Variants in CHST11 observed in about 807,000 individuals in gnomAD.
CHST11 encodes C4S-1.
A neutral mutation model predicts 30.4 loss-of-function variants in CHST11; 9 were observed. The observed-to-expected ratio is 0.30, with a 90% confidence interval of 0.18 to 0.52. The LOEUF (loss-of-function observed/expected upper bound fraction) is 0.52, where lower values mean the gene tolerates loss of function less well. CHST11 is among the 20% of genes least tolerant of loss of function. CHST11 has a pLI of 0.97. For missense variants in CHST11, 348 were observed against 460.6 expected, an observed-to-expected ratio of 0.76 and a Z score of 2.24; for synonymous variants, 152 against 187.8, an observed-to-expected ratio of 0.81 and a Z score of 1.56.
chr12:104,674,992 A>G (rs952299079), intron 2 of CHST11, among the ~76,000 whole-genome samples: 3 of 152,200 alleles, frequency 2.0e-5, no homozygotes, highest in Admixed American at 6.5e-5. Context: ...TGAAAAATAA[A>G]ATACAAAATA....
At chr12:104,556,151 T>C (rs2038453134) in intron 1 of CHST11, among the ~76,000 whole-genome samples, 1 of 152,172 alleles carries the variant, frequency 6.6e-6, no homozygotes, top group South Asian at 2.1e-4. Context: ...TGCTTGTTTA[T>C]TTTTTTATTC....
chr12:104,618,211 CTTCTT>C (rs1186192829), intron 2 of CHST11, among the ~76,000 whole-genome samples: 208 of 143,868 alleles, frequency 1.4e-3, no homozygotes, highest in Middle Eastern at 3.7e-3. Context: ...CTGGCTTCTT[CTTCTT>C]TTCTTTTCTT....
chr12:104,527,346 C>A lies in CHST11; in HGVS notation c.118+69817C>A, dbSNP rs115886723. 6.9e-3 allele frequency among the ~76,000 whole-genome samples: 1,044 copies of A among 152,282 alleles called. 19 individuals are homozygous for A. The highest frequency in any genetic ancestry group is 0.024 in the African/African-American group (986 of 41,536). ...GGATTAATACACATGGCTACCTTGA[C>A]CGATGGGGTATATTTCCAACCTCAT... On this transcript the variant is annotated intron_variant, in intron 1 of 2. Coordinates refer to ENST00000303694, the MANE Select transcript of CHST11 (RefSeq NM_018413.6).
At chr12:104,473,330 A>T (rs1261848663) in intron 1 of CHST11, among the ~76,000 whole-genome samples, 3 of 152,134 alleles carry the variant, frequency 2.0e-5, no homozygotes, top group Admixed American at 6.5e-5. Flanking sequence ...TAGGCCATGG[A>T]GGTTAAATTT....
intron 2 of CHST11, among the ~76,000 whole-genome samples, chr12:104,702,863 C>G (rs1227164748): frequency 2.0e-5 from 3 of 152,198 alleles, no homozygotes; most frequent in Non-Finnish European, 2.9e-5. Context: ...GCAGATTGGA[C>G]GCCGTTCAGA....
chr12:104,464,413 G>A (rs1314329007), intron 1 of CHST11, among the ~76,000 whole-genome samples: 2 of 152,190 alleles, frequency 1.3e-5, no homozygotes, highest in East Asian at 3.9e-4. Flanking sequence ...GTGTACTTTG[G>A]TTAAGTGGTC....
At chr12:104,552,070 C>T (rs79174686) in intron 1 of CHST11, 1 of 152,204 alleles carries the variant, frequency 6.6e-6, no homozygotes, top group Non-Finnish European at 1.5e-5. Flanking sequence ...ACCAGGCTGT[C>T]TTGTTAACAT....
intron 1 of CHST11, among the ~76,000 whole-genome samples, chr12:104,586,010 A>G (rs2038801074): frequency 1.3e-5 from 2 of 149,504 alleles, no homozygotes; most frequent in Non-Finnish European, 3.0e-5. Flanking sequence ...ATCTGCAAAG[A>G]CTCTATTTCC....
At chr12:104,460,315 G>A (rs938030057) in intron 1 of CHST11, among the ~76,000 whole-genome samples, 56 of 152,262 alleles carry the variant, frequency 3.7e-4, no homozygotes, top group African/African-American at 1.3e-3. Flanking sequence ...TATTGCAAAA[G>A]CAATGGGTTC....
intron 1 of CHST11, among the ~76,000 whole-genome samples, chr12:104,505,084 C>T (rs997420478): frequency 6.6e-6 from 1 of 152,140 alleles, no homozygotes; most frequent in African/African-American, 2.4e-5. Flanking sequence ...GGCTTACAGA[C>T]ACCTATTAGA....
intron 1 of CHST11, among the ~76,000 whole-genome samples, chr12:104,598,926 C>A (rs2038932104): frequency 2.0e-5 from 3 of 149,626 alleles, no homozygotes; most frequent in African/African-American, 7.4e-5. Context: ...GGTTGGGCAG[C>A]ACCTGTCAGT....
chr12:104,727,409 A>T (rs528216132), intron 2 of CHST11, among the ~76,000 whole-genome samples: 2 of 152,206 alleles, frequency 1.3e-5, no homozygotes, highest in Admixed American at 1.3e-4. Flanking sequence ...ATGCAAACAG[A>T]AATTTACTCC....
At chr12:104,730,302 T>A (rs2040246556) in intron 2 of CHST11, among the ~76,000 whole-genome samples, 2 of 152,068 alleles carry the variant, frequency 1.3e-5, no homozygotes, top group Non-Finnish European at 2.9e-5. Flanking sequence ...GGGAGAAGAG[T>A]GACTCTTGCC....
rs574781244 is a variant in CHST11, at chr12:104,557,104, G to T, written c.119-44802G>T. On this transcript the variant is annotated intron_variant, in intron 1 of 2. Transcript: ENST00000303694. ...ACTTGATGACATTTGCAGAGACCCT[G>T]TTTCCAAATAAGGTCACATTCATAG... Among the ~76,000 whole-genome samples, 743 of 152,260 alleles carry T rather than the reference G, an allele frequency of 4.9e-3. 2 individuals carry two copies. Among genetic ancestry groups the T allele is most frequent in the Non-Finnish European group, 9.1e-3 (620 of 68,020 alleles).
chr12:104,531,153 A>T (rs749538192), intron 1 of CHST11, among the ~76,000 whole-genome samples: 20 of 152,186 alleles, frequency 1.3e-4, no homozygotes, highest in Non-Finnish European at 2.2e-4. Flanking sequence ...CTCAAAGATG[A>T]TGGTCTTCCT....
intron 2 of CHST11, among the ~76,000 whole-genome samples, chr12:104,741,657 G>A (rs769914505): frequency 1.3e-5 from 2 of 152,020 alleles, no homozygotes; most frequent in African/African-American, 4.8e-5. Flanking sequence ...TGCCTCTATC[G>A]GTCTTCTGTG....
At chr12:104,546,505 T>C (rs2038351472) in intron 1 of CHST11, among the ~76,000 whole-genome samples, 1 of 152,090 alleles carries the variant, frequency 6.6e-6, no homozygotes, top group African/African-American at 2.4e-5. Context: ...TTTAAGTTTT[T>C]CTTAGCTAGC....
intron 1 of CHST11, among the ~76,000 whole-genome samples, chr12:104,565,729 T>C (rs1650128): frequency 0.2 from 30,731 of 152,098 alleles, 3,930 homozygotes; most frequent in East Asian, 0.43. Flanking sequence ...AGGGGATTTG[T>C]GCGGCTCCGG....
intron 2 of CHST11, among the ~76,000 whole-genome samples, chr12:104,733,854 T>C (rs951976433): frequency 2.6e-5 from 4 of 152,196 alleles, no homozygotes; most frequent in Non-Finnish European, 5.9e-5. Flanking sequence ...TAGGAGGAGT[T>C]GGGTGATGGG....
Sources: gnomAD v4.1 joint callset for allele counts (sites outside exome capture counted in the v4.1 genomes callset) on GRCh38, gnomAD v4.1.1 for gene constraint, MANE v1.5 for transcripts, NCBI Gene and HGNC (gene_info 2026-07-23, HGNC 2026-07-21) for gene names.